Variants in ARHGAP24 observed in about 807,000 individuals in gnomAD.
ARHGAP24 encodes the protein Rho GTPase activating protein 24.
ARHGAP24 carries 50 observed loss-of-function variants against 76.4 expected under a neutral mutation model. The ratio of observed to expected loss-of-function variants is 0.65; its 90% CI spans 0.52 to 0.83. The LOEUF (loss-of-function observed/expected upper bound fraction) is 0.83. ARHGAP24 is among the 40% of genes least tolerant of loss of function. The pLI, the probability that ARHGAP24 is intolerant of heterozygous loss-of-function variation, is 0.00. For synonymous variants in ARHGAP24, 345 were observed against 323.3 expected (o/e 1.07, Z -0.72); for missense variants, 930 against 914.2 (o/e 1.02, Z -0.22).
intron 1 of ARHGAP24, among the ~76,000 whole-genome samples, chr4:85,529,203 T>G (rs1035282918): frequency 1.3e-5 from 2 of 151,908 alleles, no homozygotes; most frequent in Non-Finnish European, 2.9e-5. Flanking sequence ...CCAGAAAGAG[T>G]CTATGACTAT....
intron 2 of ARHGAP24, among the ~76,000 whole-genome samples, chr4:85,670,573 G>A (rs528722206): frequency 2.0e-5 from 3 of 152,168 alleles, no homozygotes; most frequent in African/African-American, 7.2e-5. Flanking sequence ...TTGGAGAATG[G>A]TGTCACCACA....
At chr4:85,500,823 C>T (rs928689120) in intron 1 of ARHGAP24, among the ~76,000 whole-genome samples, 2 of 152,220 alleles carry the variant, frequency 1.3e-5, no homozygotes, top group Admixed American at 6.5e-5. Flanking sequence ...CCCATCCACT[C>T]GTCATTTACA....
chr4:85,552,630 C>T (rs34037015), intron 1 of ARHGAP24, among the ~76,000 whole-genome samples: 3,574 of 152,112 alleles, frequency 0.023, 64 homozygotes, highest in Non-Finnish European at 0.037. Flanking sequence ...TGACATCTCC[C>T]GTGATTATTG....
Position 85,733,060 on chromosome 4 carries a change from C to CT in ARHGAP24, c.268+11109dup, listed in dbSNP as rs1210109366. Among the ~76,000 whole-genome samples, 107 of 55,220 alleles carry CT rather than the reference C, an allele frequency of 1.9e-3. 7 individuals carry two copies. Among genetic ancestry groups the CT allele is most frequent in the African/African-American group, 5.0e-3 (79 of 15,672 alleles). The allele number at this position is 55,220 out of a possible 152,430, so 36.2% of individuals were successfully genotyped here. A position where few individuals can be genotyped will look rare whatever the true frequency, so the allele number is the denominator to read the frequency against. ...CTATAGATCTTATAGGCCTCACCAA[C>CT]TTTTTTTTTTTTTTTTTTTTTGAGA... On this transcript the variant is annotated intron_variant, in intron 3 of 9. Transcript: ENST00000395184.
chr4:85,557,252 G>GCT (rs57073572), intron 1 of ARHGAP24, among the ~76,000 whole-genome samples: 93,439 of 152,022 alleles, frequency 0.61, 29,666 homozygotes, highest in Non-Finnish European at 0.68. Context: ...TCACTGCTCA[G>GCT]CTGTGGATTT....
intron 2 of ARHGAP24, among the ~76,000 whole-genome samples, chr4:85,708,923 A>G (rs1186628882): frequency 6.6e-6 from 1 of 152,162 alleles, no homozygotes; most frequent in African/African-American, 2.4e-5. Flanking sequence ...TTAATCTCCA[A>G]GTTATCTCTA....
chr4:85,838,320 G>A (rs569051411), intron 3 of ARHGAP24, among the ~76,000 whole-genome samples: 12 of 152,224 alleles, frequency 7.9e-5, no homozygotes, highest in East Asian at 3.9e-4. Flanking sequence ...CAAAATAGCC[G>A]GGCACGGTGG....
At chr4:85,946,355 A>G (rs1318859767) in intron 5 of ARHGAP24, among the ~76,000 whole-genome samples, 3 of 152,162 alleles carry the variant, frequency 2.0e-5, no homozygotes, top group Non-Finnish European at 4.4e-5. Context: ...TTTATTTAGA[A>G]TTGCGTACAG....
intron 3 of ARHGAP24, among the ~76,000 whole-genome samples, chr4:85,895,011 A>AAG (rs1734094197): frequency 2.5e-5 from 1 of 39,264 alleles, no homozygotes; most frequent in Non-Finnish European, 6.6e-5. Context: ...CAAAAAAAAA[A>AAG]AAAAAAAAAA....
intron 8 of ARHGAP24, among the ~76,000 whole-genome samples, chr4:85,980,007 G>C (rs946584376): frequency 6.6e-6 from 1 of 152,148 alleles, no homozygotes; most frequent in African/African-American, 2.4e-5. Context: ...GGCCTTCCTA[G>C]TTTGGGGTAG....
intron 5 of ARHGAP24, among the ~76,000 whole-genome samples, chr4:85,961,356 A>T (rs1305899135): frequency 1.3e-5 from 2 of 152,254 alleles, no homozygotes; most frequent in South Asian, 2.1e-4. Flanking sequence ...TAACTTGTTG[A>T]CTCAACTGGA....
At chr4:85,996,979 T>C (rs1046478925) in intron 9 of ARHGAP24, among the ~76,000 whole-genome samples, 9 of 152,190 alleles carry the variant, frequency 5.9e-5, no homozygotes, top group Non-Finnish European at 1.2e-4. Flanking sequence ...GCATATATGT[T>C]CTGAGATCTA....
At chr4:85,741,181 G>A (rs1216709919) in intron 3 of ARHGAP24, among the ~76,000 whole-genome samples, 6 of 151,980 alleles carry the variant, frequency 3.9e-5, no homozygotes, top group South Asian at 4.1e-4. Flanking sequence ...TCCTTCCTTC[G>A]GCACCAGAGA....
rs181240881 is a variant in ARHGAP24 at position 85,627,343 on chromosome 4, G to A, written c.180+56622G>A. Among the ~76,000 whole-genome samples, 1,282 of 152,302 alleles carry A rather than the reference G, an allele frequency of 8.4e-3. 21 individuals carry two copies. The highest frequency in any genetic ancestry group is 0.029 in the African/African-American group (1,221 of 41,562). On this transcript the variant is annotated intron_variant, in intron 2 of 9. Coordinates refer to ENST00000395184, the MANE Select transcript of ARHGAP24 (RefSeq NM_001025616.3). ...TGGAGTTTTCTAGAGGTCCACTCCA[G>A]ACCCTGTTTGCCTGGGTATCATTAG...
chr4:85,506,646 C>T (rs1384516586), intron 1 of ARHGAP24, among the ~76,000 whole-genome samples: 1 of 152,200 alleles, frequency 6.6e-6, no homozygotes, highest in Non-Finnish European at 1.5e-5. Flanking sequence ...CAGGTACAAT[C>T]TGTCATGGCT....
At chr4:85,774,913 GT>G (rs1408879148) in intron 3 of ARHGAP24, among the ~76,000 whole-genome samples, 1 of 152,122 alleles carries the variant, frequency 6.6e-6, no homozygotes, top group African/African-American at 2.4e-5. Flanking sequence ...TCAAATGCCT[GT>G]TTTATACTAG....
At chr4:85,868,044 G>A (rs781092987) in intron 3 of ARHGAP24, among the ~76,000 whole-genome samples, 2 of 151,738 alleles carry the variant, frequency 1.3e-5, no homozygotes, top group Non-Finnish European at 2.9e-5. Flanking sequence ...TGCTCAAAGT[G>A]GTTGGGTTGC....
chr4:85,989,064 TAG>T (rs1027264133), intron 8 of ARHGAP24, among the ~76,000 whole-genome samples: 9 of 150,610 alleles, frequency 6.0e-5, no homozygotes, highest in Non-Finnish European at 1.5e-5. Context: ...ATCAAGAAAA[TAG>T]AGAGAGAACA....
At chr4:85,485,469 T>A (rs1317164981) in intron 1 of ARHGAP24, among the ~76,000 whole-genome samples, 1 of 139,784 alleles carries the variant, frequency 7.2e-6, no homozygotes, top group Non-Finnish European at 1.5e-5. Context: ...TAACTGTATG[T>A]TTCAAAAGGT....
Sources: allele counts gnomAD v4.1 joint callset (sites outside exome capture counted in the v4.1 genomes callset), GRCh38; gene constraint gnomAD v4.1.1; transcripts MANE v1.5; gene names NCBI Gene and HGNC (gene_info 2026-07-23, HGNC 2026-07-21).